The following SLF2 variants were observed in gnomAD, a reference collection of about 807,000 sequenced individuals.
The protein encoded by SLF2 is SMC5/6 complex localization factor 2, also known as SMC5-SMC6 complex localization factor protein 2.
In SLF2, 68 loss-of-function variants were observed where a neutral mutation model predicts 124.3. That is an observed-to-expected ratio of 0.55 (90% CI 0.45 to 0.67). The LOEUF is 0.67. SLF2 is among the 30% of genes least tolerant of loss of function. The pLI, the probability that SLF2 is intolerant of heterozygous loss-of-function variation, is 0.00. For synonymous variants in SLF2, 480 were observed against 478.8 expected (o/e 1.00, Z -0.03); for missense variants, 1,246 against 1,373.7 (o/e 0.91, Z 1.47).
Position 100,934,778 on chromosome 10 carries a change from A to G in SLF2, c.2437-2624A>G, listed in dbSNP as rs1401376362. Among the ~76,000 whole-genome samples the G allele has an allele frequency of 3.3e-5, 5 of 150,272 alleles. No individual in the cohort carries two copies. The East Asian group carries it at 9.8e-4, about 30-fold the overall frequency. ...CAGGCACCCACCACCACGCCCAGCT[A>G]ATTTTTTTTTTTTTTGTATTTTTAT... On this transcript the variant is annotated intron_variant, in intron 9 of 19. Transcript: ENST00000238961.
intron 16 of SLF2, 92 bp from the exon 17 acceptor site, chr10:100,950,584 A>T: frequency 9.1e-7 from 1 of 1,099,012 alleles, no homozygotes; most frequent in Non-Finnish European, 1.4e-6. Context: ...CGTATCCTTT[A>T]TCCTTCCTGG....
chr10:100,924,655 C>A lies in SLF2; in HGVS notation c.1654C>A (p.Pro552Thr). Residue 552 changes from proline (P) to threonine (T), a missense_variant, in exon 5 of 20, where the codon CCT becomes ACT. This residue lies in a region of SLF2 where 698 missense variants were observed against 708.9 expected (regional missense o/e 0.98). Transcript: ENST00000238961. ...ACCTTTGCGCTCAGAATATGGCACTCCTACAAAGTCTCCCCCTGCTGCTTT... is the reference window on the plus strand; with the variant it reads ...ACCTTTGCGCTCAGAATATGGCACTACTACAAAGTCTCCCCCTGCTGCTTT... ...GGPLRSEYGT[P>T]TKSPPAALEV... is the part of the protein sequence containing the mutation. 1 of 1,614,076 alleles carries A rather than the reference C, an allele frequency of 6.2e-7. No homozygotes were observed. Among genetic ancestry groups the A allele is most frequent in the Non-Finnish European group, 8.5e-7 (1 of 1,180,028 alleles).
intron 18 of SLF2, among the ~76,000 whole-genome samples, chr10:100,958,187 T>C (rs1191804570): frequency 6.6e-6 from 1 of 152,250 alleles, no homozygotes; most frequent in East Asian, 1.9e-4. Context: ...TGGATAGTCA[T>C]TGAATGTGAA....
At chr10:100,961,375 T>C (rs1850425543) in intron 19 of SLF2, among the ~76,000 whole-genome samples, 1 of 152,144 alleles carries the variant, frequency 6.6e-6, no homozygotes, top group Non-Finnish European at 1.5e-5. Context: ...GACTAAACTT[T>C]GAGTAGCCAG....
chr10:100,962,053 G>A lies in SLF2; in HGVS notation c.*141G>A. The stretch of plus-strand genomic sequence containing the variant: ...GTGCCACTTGAATATCTAGTATGAA[G>A]CTGGTAATGAAGAAATTGCCATTTC... On this transcript the variant is annotated 3_prime_UTR_variant, in exon 20 of 20. Transcript: ENST00000238961. 1 of 718,454 alleles carries A rather than the reference G, an allele frequency of 1.4e-6. No individual in the cohort carries two copies. The allele number at this position is 718,454 out of a possible 1,614,324, so 44.5% of individuals were successfully genotyped here. A position where few individuals can be genotyped will look rare whatever the true frequency, so the allele number is the denominator to read the frequency against.
chr10:100,935,008 C>G (rs1849816535), intron 9 of SLF2, among the ~76,000 whole-genome samples: 1 of 152,046 alleles, frequency 6.6e-6, no homozygotes, highest in Non-Finnish European at 1.5e-5. Flanking sequence ...AATATGTGTT[C>G]CTCTACAAAT....
At chr10:100,955,754 A>C (rs1444267974) in intron 17 of SLF2, among the ~76,000 whole-genome samples, 1 of 152,138 alleles carries the variant, frequency 6.6e-6, no homozygotes, top group East Asian at 1.9e-4. Flanking sequence ...TAAAAATATA[A>C]AAATTAGCTG....
intron 4 of SLF2, among the ~76,000 whole-genome samples, chr10:100,923,610 T>TA (rs1214659923): frequency 6.6e-6 from 1 of 152,148 alleles, no homozygotes; most frequent in Admixed American, 6.5e-5. Context: ...GTAGAAGTGT[T>TA]ACATTTCTGC....
intron 17 of SLF2, among the ~76,000 whole-genome samples, chr10:100,953,111 G>T (rs1339579167): frequency 6.6e-6 from 1 of 151,140 alleles, no homozygotes; most frequent in African/African-American, 2.4e-5. Context: ...TGCCTCCCAG[G>T]TTCAAGCGAT....
chr10:100,937,466 CA>C lies in SLF2; in HGVS notation c.2503del (p.Ile835LeufsTer21). Reference sequence around the variant, plus strand: ...ATTTTAAGTACATTGATGGAAATAACAATTAGAAATGGTAAGTATATCAACT... The same window carrying C: ...ATTTTAAGTACATTGATGGAAATAACATTAGAAATGGTAAGTATATCAACT... ...VQILSTLMEI[T>X]IRNDTFSDSP... On this transcript the variant is annotated frameshift_variant, in exon 10 of 20. Coordinates refer to ENST00000238961, the MANE Select transcript of SLF2 (RefSeq NM_018121.4). LOFTEE classifies it high-confidence loss of function. 1 of 1,587,298 alleles carries C rather than the reference CA, an allele frequency of 6.3e-7. No individual in the cohort carries two copies. Among genetic ancestry groups the C allele is most frequent in the Non-Finnish European group, 8.7e-7 (1 of 1,155,778 alleles).
intron 9 of SLF2, among the ~76,000 whole-genome samples, chr10:100,933,377 C>T (rs1849782441): frequency 6.6e-6 from 1 of 152,216 alleles, no homozygotes; most frequent in Admixed American, 6.5e-5. Flanking sequence ...GACACTGTCT[C>T]ATTTCTCCTT....
chr10:100,944,514 A>AAAAT (rs1850061989), intron 12 of SLF2, among the ~76,000 whole-genome samples: 1 of 149,310 alleles, frequency 6.7e-6, no homozygotes, highest in Non-Finnish European at 1.5e-5. Context: ...AAAAAAAAAA[A>AAAAT]CTCTCTAGTT....
chr10:100,945,578 T>TTTA, intron 13 of SLF2, 72 bp downstream of exon 13: 1 of 1,132,556 alleles, frequency 8.8e-7, no homozygotes, highest in Non-Finnish European at 1.2e-6. Flanking sequence ...GCATATGGAA[T>TTTA]TAATACTGTT....
intron 1 of SLF2, chr10:100,913,485 C>T: frequency 7.9e-7 from 1 of 1,270,196 alleles, no homozygotes; most frequent in Non-Finnish European, 9.9e-7. Flanking sequence ...TGGACAGCTA[C>T]GGAGAACCCG....
chr10:100,945,572 A>G (rs1850089383), intron 13 of SLF2, 66 bp downstream of exon 13: 2 of 1,221,504 alleles, frequency 1.6e-6, no homozygotes, highest in African/African-American at 1.6e-5. Flanking sequence ...CATAGTGCAT[A>G]TGGAATTAAT....
At chr10:100,946,993 C>T (rs1850116602) in intron 13 of SLF2, 46 bp from the exon 14 acceptor site, 1 of 1,455,670 alleles carries the variant, frequency 6.9e-7, no homozygotes, top group Non-Finnish European at 9.6e-7. Context: ...GTGTTTTATT[C>T]TACTGTTCTG....
At chr10:100,921,748 A>G (rs569553623) in intron 4 of SLF2, among the ~76,000 whole-genome samples, 4 of 152,356 alleles carry the variant, frequency 2.6e-5, no homozygotes, top group African/African-American at 9.6e-5. Flanking sequence ...ACTTCTCTAG[A>G]AAAATGGAAC....
chr10:100,963,342 T>C lies in SLF2; in HGVS notation c.*1430T>C, dbSNP rs1850458350. On this transcript the variant is annotated 3_prime_UTR_variant, in exon 20 of 20. Coordinates refer to ENST00000238961, the MANE Select transcript of SLF2 (RefSeq NM_018121.4). The stretch of plus-strand genomic sequence containing the variant: ...GCTCATGTCAATCAAGCATTGGCAG[T>C]CAGAGATTTTATAGGGAAGACTAAG... 2 of 152,618 alleles carry C rather than the reference T, an allele frequency of 1.3e-5. No individual in the cohort carries two copies. Among genetic ancestry groups the C allele is most frequent in the African/African-American group, 4.8e-5 (2 of 41,438 alleles). 9.5% of individuals were successfully genotyped at this position (152,618 alleles called of 1,614,324 possible).
chr10:100,944,355 CATGGCAGCGGGTACCT>C (rs1850053203), intron 12 of SLF2, among the ~76,000 whole-genome samples: 3 of 151,900 alleles, frequency 2.0e-5, no homozygotes, highest in Admixed American at 6.5e-5. Context: ...ATTAGCCAGG[CATGGCAGCGGGTACCT>C]GTAGTCCCAG....
Sources: allele counts gnomAD v4.1 joint callset (sites outside exome capture counted in the v4.1 genomes callset), GRCh38; gene constraint gnomAD v4.1.1; regional missense constraint gnomAD v4.1.1; transcripts MANE v1.5; gene names NCBI Gene and HGNC (gene_info 2026-07-23, HGNC 2026-07-21).